Variants in STAG1 observed in about 807,000 individuals in gnomAD.
The protein encoded by STAG1 is STAG1 cohesin complex component, also known as cohesin subunit SA-1.
A neutral mutation model predicts 170.9 loss-of-function variants in STAG1; 26 were observed. That is an observed-to-expected ratio of 0.15 (90% confidence interval 0.11 to 0.21). The LOEUF (loss-of-function observed/expected upper bound fraction) is 0.21, where lower values mean the gene tolerates loss of function less well. STAG1 is among the 10% of genes least tolerant of loss of function. The pLI is 1.00. For missense variants in STAG1, 964 were observed against 1,509.5 expected, an observed-to-expected ratio of 0.64 and a Z score of 5.99; for synonymous variants, 514 against 497.7, an observed-to-expected ratio of 1.03 and a Z score of -0.44.
intron 14 of STAG1, among the ~76,000 whole-genome samples, chr3:136,446,623 A>T (rs1392643900): frequency 1.3e-5 from 2 of 152,038 alleles, no homozygotes; most frequent in South Asian, 4.2e-4. Context: ...GGCTTTCACC[A>T]TGTTGGCCAG....
chr3:136,371,850 G>A (rs576084153), intron 23 of STAG1, among the ~76,000 whole-genome samples: 1 of 152,088 alleles, frequency 6.6e-6, no homozygotes, highest in Non-Finnish European at 1.5e-5. Flanking sequence ...CTCTTTTTTG[G>A]TTCCATGTGA....
intron 5 of STAG1, among the ~76,000 whole-genome samples, chr3:136,558,196 G>A (rs113018456): frequency 7.9e-5 from 12 of 152,088 alleles, no homozygotes; most frequent in African/African-American, 2.2e-4. Context: ...GTTTGAGACC[G>A]GCCTGGCCAA....
intron 1 of STAG1, among the ~76,000 whole-genome samples, chr3:136,730,749 C>T (rs1933995407): frequency 6.6e-6 from 1 of 152,186 alleles, no homozygotes; most frequent in Admixed American, 6.5e-5. Context: ...AAACACTTTC[C>T]TTTGGCACTT....
At position 136,493,769 on chromosome 3, in the gene STAG1, A is replaced by T. The variant is rs189913980; in HGVS notation, c.902+6454T>A. The stretch of plus-strand genomic sequence containing the variant: ...AGTCCATTATTATTTGAAAAGATCA[A>T]CAAAACAAACTTACAGTGAAACTGA... On this transcript the variant is annotated intron_variant, in intron 9 of 33. Transcript: ENST00000383202. 3.1e-4 allele frequency among the ~76,000 whole-genome samples: 47 copies of T among 152,238 alleles called. No homozygotes were observed. In the East Asian group the frequency reaches 9.1e-3, roughly 29 times the overall value.
chr3:136,393,641 T>A (rs1240906320), intron 22 of STAG1, among the ~76,000 whole-genome samples: 1 of 149,530 alleles, frequency 6.7e-6, no homozygotes, highest in Non-Finnish European at 1.5e-5. Context: ...TTGCCTAGGC[T>A]GGAGTGCACT....
chr3:136,498,233 T>TATACACACACACAC, intron 9 of STAG1, among the ~76,000 whole-genome samples: 1 of 57,512 alleles, frequency 1.7e-5, no homozygotes, highest in Admixed American at 2.2e-4. Context: ...TATATATATA[T>TATACACACACACAC]ACACATACAT....
intron 28 of STAG1, among the ~76,000 whole-genome samples, chr3:136,352,388 G>A (rs928702949): frequency 2.0e-5 from 3 of 152,136 alleles, no homozygotes; most frequent in African/African-American, 7.2e-5. Flanking sequence ...TTGAACTCGT[G>A]AGCTCAAGTG....
intron 1 of STAG1, among the ~76,000 whole-genome samples, chr3:136,751,407 T>C (rs894957257): frequency 6.6e-6 from 1 of 152,132 alleles, no homozygotes; most frequent in African/African-American, 2.4e-5. Flanking sequence ...CCAAGCACTC[T>C]AGTTTCCCAC....
intron 20 of STAG1, among the ~76,000 whole-genome samples, chr3:136,419,266 A>T (rs2087875467): frequency 6.6e-6 from 1 of 152,190 alleles, no homozygotes; most frequent in Admixed American, 6.5e-5. Flanking sequence ...TTACTTGTAT[A>T]TAAAGGCTTA....
chr3:136,466,776 G>A (rs145194871), intron 12 of STAG1, among the ~76,000 whole-genome samples: 1,656 of 152,264 alleles, frequency 0.011, 28 homozygotes, highest in East Asian at 0.047. Context: ...ACCCACAAAG[G>A]GAAGCCCATC....
At chr3:136,559,182 A>G (rs1421358903) in intron 5 of STAG1, among the ~76,000 whole-genome samples, 3 of 150,818 alleles carry the variant, frequency 2.0e-5, no homozygotes, top group African/African-American at 7.3e-5. Flanking sequence ...CACACTGTAC[A>G]GGTGAGGAGA....
intron 9 of STAG1, among the ~76,000 whole-genome samples, chr3:136,478,656 T>C (rs1376870933): frequency 6.6e-6 from 1 of 152,210 alleles, no homozygotes; most frequent in Non-Finnish European, 1.5e-5. Flanking sequence ...ACAAAATTCC[T>C]TGCTCTAATA....
intron 5 of STAG1, among the ~76,000 whole-genome samples, chr3:136,554,295 T>C (rs1936522091): frequency 6.6e-6 from 1 of 152,012 alleles, no homozygotes; most frequent in Non-Finnish European, 1.5e-5. Context: ...AATACATAAA[T>C]CTACAACCAT....
chr3:136,352,363 T>G (rs1206963334), intron 28 of STAG1, among the ~76,000 whole-genome samples: 1 of 152,102 alleles, frequency 6.6e-6, no homozygotes, highest in African/African-American at 2.4e-5. Flanking sequence ...GTTTGCCATG[T>G]TGCCCAGGCT....
At chr3:136,744,454 T>C (rs550527988) in intron 1 of STAG1, among the ~76,000 whole-genome samples, 7 of 152,328 alleles carry the variant, frequency 4.6e-5, no homozygotes, top group Admixed American at 1.3e-4. Context: ...ATTGTATCAA[T>C]TTACACTGCT....
intron 7 of STAG1, among the ~76,000 whole-genome samples, chr3:136,507,130 A>G (rs1488657048): frequency 6.6e-6 from 1 of 152,220 alleles, no homozygotes; most frequent in Non-Finnish European, 1.5e-5. Flanking sequence ...AAAAGACTTG[A>G]TGGTTACATA....
intron 4 of STAG1, among the ~76,000 whole-genome samples, chr3:136,602,004 G>A (rs1472647673): frequency 6.6e-6 from 1 of 151,962 alleles, no homozygotes; most frequent in Non-Finnish European, 1.5e-5. Context: ...TTAAAAATAA[G>A]GACTGGCATT....
At chr3:136,487,234 G>A (rs984090069) in intron 9 of STAG1, among the ~76,000 whole-genome samples, 22 of 152,014 alleles carry the variant, frequency 1.4e-4, no homozygotes, top group African/African-American at 4.8e-4. Flanking sequence ...ACGGTGTTTG[G>A]TTTTCTGTTC....
At chr3:136,626,006 T>C (rs536109237) in intron 2 of STAG1, among the ~76,000 whole-genome samples, 12 of 152,066 alleles carry the variant, frequency 7.9e-5, no homozygotes, top group African/African-American at 1.4e-4. Flanking sequence ...TGAGCAGAGA[T>C]AGCACCACTG....
Sources: allele counts gnomAD v4.1 joint callset (sites outside exome capture counted in the v4.1 genomes callset), GRCh38; gene constraint gnomAD v4.1.1; transcripts MANE v1.5; gene names NCBI Gene and HGNC (gene_info 2026-07-23, HGNC 2026-07-21).